The following VLDLR variants were observed in gnomAD, a reference collection of about 807,000 sequenced individuals.
VLDLR encodes very low density lipoprotein receptor.
In VLDLR, 81 loss-of-function variants were observed where a neutral mutation model predicts 112.7. The ratio of observed to expected loss-of-function variants is 0.72; its 90% CI spans 0.60 to 0.86. VLDLR has a LOEUF of 0.86. Among genes scored for constraint, VLDLR ranks in the 40% least tolerant of loss-of-function variants. VLDLR has a pLI of 0.00. For missense variants in VLDLR, 1,237 were observed against 1,099.4 expected (o/e 1.13, Z -1.77); for synonymous variants, 436 against 384.8 (o/e 1.13, Z -1.56).
At chr9:2,638,898 G>A (rs1461777892) in intron 2 of VLDLR, among the ~76,000 whole-genome samples, 1 of 152,150 alleles carries the variant, frequency 6.6e-6, no homozygotes, top group African/African-American at 2.4e-5. Context: ...TGGCTAGAAA[G>A]GCTAAAATCT....
chr9:2,631,209 G>A (rs192067850), intron 1 of VLDLR, among the ~76,000 whole-genome samples: 1 of 152,210 alleles, frequency 6.6e-6, no homozygotes, highest in Non-Finnish European at 1.5e-5. Flanking sequence ...CTTATACACT[G>A]CTGGTGAGAA....
At position 2,656,564 on chromosome 9, in the gene VLDLR, T is replaced by C. The variant is rs1818617202; in HGVS notation, c.*2696T>C. ...CACCCAAAAAATAACTTGAATTCTA[T>C]GTGAAATGTGTTAGGATAAGTTTGC... is the stretch of plus-strand genomic sequence containing the variant. On this transcript the variant is annotated 3_prime_UTR_variant, in exon 19 of 19. Transcript: ENST00000382100. 1 of 152,192 alleles carries C rather than the reference T, an allele frequency of 6.6e-6. No individual in the cohort carries two copies. Among genetic ancestry groups the C allele is most frequent in the Non-Finnish European group, 1.5e-5 (1 of 68,042 alleles). The allele number at this position is 152,192 out of a possible 1,614,324, so 9.4% of individuals were successfully genotyped here.
Position 2,646,593 on chromosome 9 carries a change from C to A in VLDLR, c.1703+41C>A, listed in dbSNP as rs768503966. 8 of 1,585,160 alleles carry A rather than the reference C, an allele frequency of 5.0e-6. No homozygotes were observed. The Admixed American group carries it at 1.0e-4, about 20-fold the overall frequency. ...TCCATCACAGACTTTGGAATGGTAT[C>A]TGTGTAGGTCAGGAGCTTTCTCATA... On this transcript the variant is annotated intron_variant, in intron 11 of 18. Coordinates refer to ENST00000382100, the MANE Select transcript of VLDLR (RefSeq NM_003383.5).
At chr9:2,622,631 G>A (rs1197317720) in intron 1 of VLDLR, among the ~76,000 whole-genome samples, 1 of 152,254 alleles carries the variant, frequency 6.6e-6, no homozygotes. Flanking sequence ...TCTGCCAGGC[G>A]CAGTGTTGGG....
rs200494587 is a variant in VLDLR at position 2,648,278 on chromosome 9, C to T, written c.1893C>T (p.Gly631=). Residue 631 remains glycine (G), a synonymous_variant, in exon 13 of 19, where the codon GGC becomes GGT. Transcript: ENST00000382100. ...LHMLSSVDLN[G]QDRRIVLKSL... ...TGTTATCCAGCGTGGACTTGAATGGCCAAGATCGTAGGATAGTACTAAAGT... is the reference window on the plus strand; with the variant it reads ...TGTTATCCAGCGTGGACTTGAATGGTCAAGATCGTAGGATAGTACTAAAGT... 6.2e-7 allele frequency: 1 copy of T among 1,614,152 alleles called. No individual in the cohort carries two copies. The highest frequency in any genetic ancestry group is 8.5e-7 in the Non-Finnish European group (1 of 1,180,000).
At chr9:2,644,150 G>GT (rs1817952144) in intron 7 of VLDLR, among the ~76,000 whole-genome samples, 191 bp downstream of exon 7, 1 of 127,006 alleles carries the variant, frequency 7.9e-6, no homozygotes, top group Non-Finnish European at 1.7e-5. Context: ...TTTTGTTTTT[G>GT]TTGTTTTTTT....
intron 2 of VLDLR, 89 bp downstream of exon 2, chr9:2,635,661 C>G: frequency 6.3e-7 from 1 of 1,586,710 alleles, no homozygotes; most frequent in Non-Finnish European, 8.6e-7. Context: ...AAAATAAAAT[C>G]CACTTCTAAC....
At chr9:2,628,353 G>A (rs191016422) in intron 1 of VLDLR, among the ~76,000 whole-genome samples, 159 of 152,270 alleles carry the variant, frequency 1.0e-3, no homozygotes, top group African/African-American at 3.8e-3. Flanking sequence ...GTGGACAAGG[G>A]CAACATGAAC....
rs190007223 is a variant in VLDLR at position 2,649,548 on chromosome 9, C to T, written c.2104+738C>T. Reference sequence around the variant, plus strand: ...CTGGGACTACAGGAGTGAGCCACCACGTCCAGCTAAACTTTGTATCTTTAG... The same window carrying T: ...CTGGGACTACAGGAGTGAGCCACCATGTCCAGCTAAACTTTGTATCTTTAG... On this transcript the variant is annotated intron_variant, in intron 14 of 18. Coordinates refer to ENST00000382100, the MANE Select transcript of VLDLR (RefSeq NM_003383.5). Among the ~76,000 whole-genome samples the T allele has an allele frequency of 3.1e-4, 47 of 152,240 alleles. 1 individual carries two copies. The highest frequency in any genetic ancestry group is 3.0e-3 in the Admixed American group (46 of 15,296).
rs757809842 is a variant in VLDLR, at chr9:2,621,810, G to A, written c.-380G>A. On this transcript the variant is annotated 5_prime_UTR_variant, in exon 1 of 19. The change creates a new upstream start codon in the 5' untranslated region. Transcript: ENST00000382100. ...TCACCCCGCTCTCCGGCCGCCGCCG[G>A]TGCGGGTGCTCCGCTACCGGCTCCT... The A allele has an allele frequency of 4.3e-5, 21 of 490,266 alleles. No homozygotes were observed. The highest frequency in any genetic ancestry group is 3.3e-4 in the South Asian group (21 of 62,754). 30.4% of individuals were successfully genotyped at this position (490,266 alleles called of 1,614,324 possible).
At position 2,645,755 on chromosome 9, in the gene VLDLR, A is replaced by C; in HGVS notation, c.1484+10A>C. ...AAAAGGCTATCTTCAGGTAACTTTC[A>C]GTTCCTTTTGTGGTGTCTTGACATA... On this transcript the variant is annotated intron_variant, in intron 10 of 18. Transcript: ENST00000382100. The C allele has an allele frequency of 1.2e-6, 2 of 1,614,094 alleles. No homozygotes were observed. Among genetic ancestry groups the C allele is most frequent in the Non-Finnish European group, 1.7e-6 (2 of 1,180,002 alleles).
chr9:2,635,954 A>AT (rs1035153733), intron 2 of VLDLR, among the ~76,000 whole-genome samples: 1 of 151,874 alleles, frequency 6.6e-6, no homozygotes, highest in African/African-American at 2.4e-5. Flanking sequence ...GACATGAGAA[A>AT]ATCCCATAAA....
intron 14 of VLDLR, among the ~76,000 whole-genome samples, chr9:2,649,354 C>T (rs982870039): frequency 6.6e-6 from 1 of 152,058 alleles, no homozygotes; most frequent in Non-Finnish European, 1.5e-5. Flanking sequence ...ACATCATCGT[C>T]CCTCTGTATA....
intron 15 of VLDLR, among the ~76,000 whole-genome samples, chr9:2,650,892 C>T (rs887690976): frequency 5.9e-5 from 9 of 152,236 alleles, no homozygotes; most frequent in South Asian, 4.2e-4. Context: ...CAGTGGGTGA[C>T]GCTACCCTAA....
rs965977991 is a variant in VLDLR at position 2,622,198 on chromosome 9, G to C, written c.9G>C (p.Thr3=). Residue 3 remains threonine (T), a synonymous_variant, in exon 1 of 19, where the codon ACG becomes ACC. Transcript: ENST00000382100. The stretch of plus-strand genomic sequence containing the variant: ...CCATCCAGGCGGGCACCATGGGCAC[G>C]TCCGCGCTCTGGGCGCTCTGGCTGC... MG[T]SALWALWLLL... 6.7e-7 allele frequency: 1 copy of C among 1,497,966 alleles called. No homozygotes were observed. The highest frequency in any genetic ancestry group is 8.8e-7 in the Non-Finnish European group (1 of 1,130,224). The allele number at this position is 1,497,966 out of a possible 1,614,324, so 92.8% of individuals were successfully genotyped here. A position where few individuals can be genotyped will look rare whatever the true frequency, so the allele number is the denominator to read the frequency against.
Position 2,641,489 on chromosome 9 carries a change from A to G in VLDLR, c.438A>G (p.Glu146=), listed in dbSNP as rs1446251051. The G allele has an allele frequency of 1.2e-6, 2 of 1,614,198 alleles. No individual in the cohort carries two copies. The highest frequency in any genetic ancestry group is 2.2e-5 in the South Asian group (2 of 91,082). The part of the protein sequence containing the change: ...GENDCDSGED[E]ENCGNITCSP... ...ATGATTGTGACAGTGGAGAAGATGA[A>G]GAAAACTGTGGTAAGAAGATCAGTG... The change falls in exon 4 of 19, where the codon GAA becomes GAG. Residue 146 remains glutamate (E), a synonymous_variant. Coordinates refer to ENST00000382100, the MANE Select transcript of VLDLR (RefSeq NM_003383.5).
chr9:2,624,474 T>C (rs1046936347), intron 1 of VLDLR, among the ~76,000 whole-genome samples: 1 of 152,226 alleles, frequency 6.6e-6, no homozygotes, highest in Admixed American at 6.5e-5. Context: ...AACAAGAAGT[T>C]GGTATACCTG....
intron 1 of VLDLR, among the ~76,000 whole-genome samples, chr9:2,633,024 C>T (rs1817426783): frequency 7.1e-6 from 1 of 140,864 alleles, no homozygotes; most frequent in Admixed American, 7.2e-5. Context: ...TGTTGCTACT[C>T]CTTATTGGAG....
intron 1 of VLDLR, among the ~76,000 whole-genome samples, chr9:2,631,151 A>T (rs1817333626): frequency 6.6e-6 from 1 of 152,256 alleles, no homozygotes; most frequent in Admixed American, 6.5e-5. Flanking sequence ...TATTAATAAA[A>T]AGACAAAATA....
Sources: allele counts gnomAD v4.1 joint callset (sites outside exome capture counted in the v4.1 genomes callset), GRCh38; gene constraint gnomAD v4.1.1; transcripts MANE v1.5; gene names NCBI Gene and HGNC (gene_info 2026-07-23, HGNC 2026-07-21).